PWP1: variants seen among roughly 807,000 people sequenced by gnomAD.
PWP1 encodes periodic tryptophan protein 1 homolog.
A neutral mutation model predicts 69.9 loss-of-function variants in PWP1; 47 were observed. The ratio of observed to expected loss-of-function variants is 0.67; its 90% CI spans 0.53 to 0.86. PWP1 has a LOEUF of 0.86. Among genes scored for constraint, PWP1 ranks in the 40% least tolerant of loss-of-function variants. PWP1 has a pLI of 0.00. For missense variants in PWP1, 551 were observed against 608.8 expected (o/e 0.91, Z 1.00); for synonymous variants, 222 against 208.2 (o/e 1.07, Z -0.57).
At chr12:107,686,532 C>G (rs1889368924) in intron 1 of PWP1, among the ~76,000 whole-genome samples, 1 of 152,202 alleles carries the variant, frequency 6.6e-6, no homozygotes, top group Non-Finnish European at 1.5e-5. Flanking sequence ...AGGTAAATGT[C>G]TAACACATGA....
At chr12:107,700,903 C>CA (rs1555257449) in intron 8 of PWP1, among the ~76,000 whole-genome samples, 2 of 152,004 alleles carry the variant, frequency 1.3e-5, no homozygotes, top group South Asian at 4.2e-4. Context: ...CATTTCCCCC[C>CA]CTTTTTTTAA....
intron 1 of PWP1, among the ~76,000 whole-genome samples, chr12:107,687,753 C>T (rs1332412181): frequency 4.6e-5 from 7 of 151,930 alleles, no homozygotes; most frequent in Non-Finnish European, 7.4e-5. Flanking sequence ...AAATTAAGGC[C>T]GGGCACGGTG....
chr12:107,708,083 T>G (rs1251155597), intron 11 of PWP1, among the ~76,000 whole-genome samples: 2 of 152,218 alleles, frequency 1.3e-5, no homozygotes, highest in African/African-American at 2.4e-5. Flanking sequence ...TGACTTATTT[T>G]TACAATGATC....
chr12:107,700,107 A>G (rs1889676995), intron 8 of PWP1, among the ~76,000 whole-genome samples: 1 of 152,200 alleles, frequency 6.6e-6, no homozygotes, highest in Non-Finnish European at 1.5e-5. Flanking sequence ...ACCTGTCCCC[A>G]TGATTCCATT....
chr12:107,712,174 G>C lies in PWP1; in HGVS notation c.1460G>C (p.Ser487Thr), dbSNP rs146836947. The change falls in exon 15 of 15, where the codon AGT becomes ACT. Residue 487 changes from serine to threonine, a missense_variant. Coordinates refer to ENST00000412830, the MANE Select transcript of PWP1 (RefSeq NM_007062.3). ...VLGSARNSSI[S>T]GPFGSRSSDT... ...GGGAGTGCAAGAAATTCATCTATTA[G>C]TGGCCCTTTTGGCAGCAGGAGCTCA... 4.3e-6 allele frequency: 7 copies of C among 1,613,940 alleles called. No individual in the cohort carries two copies. Among genetic ancestry groups the C allele is most frequent in the Non-Finnish European group, 5.9e-6 (7 of 1,179,954 alleles).
chr12:107,685,920 G>C lies in PWP1; in HGVS notation c.21G>C (p.Val7=). The C allele has an allele frequency of 6.2e-7, 1 of 1,613,960 alleles. No homozygotes were observed. Among genetic ancestry groups the C allele is most frequent in the Non-Finnish European group, 8.5e-7 (1 of 1,179,984 alleles). MNRSRQ[V]TCVAWVRCGV... Reference sequence around the variant, plus strand: ...GGACCATGAACCGCAGCCGCCAGGTGACGTGCGTGGCCTGGGTCCGCTGCG... The same window carrying C: ...GGACCATGAACCGCAGCCGCCAGGTCACGTGCGTGGCCTGGGTCCGCTGCG... The change falls in exon 1 of 15, where the codon GTG becomes GTC. Residue 7 remains valine, a synonymous_variant. Coordinates refer to ENST00000412830, the MANE Select transcript of PWP1 (RefSeq NM_007062.3).
rs1381332722 is a variant in PWP1, at chr12:107,704,815, G to C, written c.1077+68G>C. 4 of 1,265,758 alleles carry C rather than the reference G, an allele frequency of 3.2e-6. No homozygotes were observed. The African/African-American group carries it at 4.4e-5, about 14-fold the overall frequency. 78.4% of individuals were successfully genotyped at this position (1,265,758 alleles called of 1,614,324 possible). A position where few individuals can be genotyped will look rare whatever the true frequency, so the allele number is the denominator to read the frequency against. ...ATGACTTTTTAAATTCCATAGTAGA[G>C]AGAATTATCTGAAAAGCTTTTTCTG... On this transcript the variant is annotated intron_variant, in intron 11 of 14. Transcript: ENST00000412830.
At chr12:107,711,405 C>T (rs1342794900) in intron 14 of PWP1, among the ~76,000 whole-genome samples, 1 of 152,110 alleles carries the variant, frequency 6.6e-6, no homozygotes, top group Non-Finnish European at 1.5e-5. Flanking sequence ...GGGCTTGTTC[C>T]CAGCAATTTA....
At chr12:107,705,210 C>A (rs1408848474) in intron 11 of PWP1, among the ~76,000 whole-genome samples, 5 of 151,984 alleles carry the variant, frequency 3.3e-5, no homozygotes, top group Admixed American at 1.3e-4. Flanking sequence ...CCCTTATTAT[C>A]TAAGGAGGAC....
At chr12:107,703,889 T>A in intron 10 of PWP1, 143 bp downstream of exon 10, 1 of 725,640 alleles carries the variant, frequency 1.4e-6, no homozygotes, top group Non-Finnish European at 2.3e-6. Context: ...TTTTTCCTTT[T>A]AACTCTGGTC....
intron 3 of PWP1, among the ~76,000 whole-genome samples, chr12:107,689,748 A>G (rs889812797): frequency 2.0e-5 from 3 of 152,228 alleles, no homozygotes; most frequent in African/African-American, 7.2e-5. Flanking sequence ...TCCATCTCAA[A>G]AAGAAAAAAT....
At chr12:107,687,258 C>A (rs1245638114) in intron 1 of PWP1, among the ~76,000 whole-genome samples, 1 of 152,168 alleles carries the variant, frequency 6.6e-6, no homozygotes, top group Non-Finnish European at 1.5e-5. Context: ...ATGGTAGGCA[C>A]TCGGTGTTAC....
At chr12:107,706,652 A>G (rs1419610275) in intron 11 of PWP1, among the ~76,000 whole-genome samples, 2 of 152,234 alleles carry the variant, frequency 1.3e-5, no homozygotes, top group African/African-American at 2.4e-5. Flanking sequence ...TTTATTAAAT[A>G]GGGAATCCTT....
At chr12:107,705,348 A>T (rs1889798086) in intron 11 of PWP1, among the ~76,000 whole-genome samples, 1 of 151,630 alleles carries the variant, frequency 6.6e-6, no homozygotes, top group Non-Finnish European at 1.5e-5. Flanking sequence ...GTAAATATGT[A>T]GTGCTTTGCA....
At chr12:107,686,448 G>C (rs899174471) in intron 1 of PWP1, among the ~76,000 whole-genome samples, 2 of 152,192 alleles carry the variant, frequency 1.3e-5, no homozygotes, top group African/African-American at 4.8e-5. Flanking sequence ...CTAAGATGTC[G>C]TGAGGCTGGG....
rs35371581 is a variant in PWP1 at position 107,710,552 on chromosome 12, TAAAAA to T, written c.1396+59_1396+63del. The T allele has an allele frequency of 7.7e-4, 895 of 1,156,428 alleles. 1 individual carries two copies. Among genetic ancestry groups the T allele is most frequent in the East Asian group, 3.3e-3 (96 of 28,714 alleles). The allele number at this position is 1,156,428 out of a possible 1,614,324, so 71.6% of individuals were successfully genotyped here. ...CTCTGCACACCTCCCCCTGCCCCTG[TAAAAA>T]AAAAAAAAAAAAAAAAGACAGGGTC... On this transcript the variant is annotated intron_variant, in intron 14 of 14. Transcript: ENST00000412830.
At chr12:107,710,835 A>G (rs959650311) in intron 14 of PWP1, among the ~76,000 whole-genome samples, 1 of 152,226 alleles carries the variant, frequency 6.6e-6, no homozygotes, top group Non-Finnish European at 1.5e-5. Flanking sequence ...TTTAGGAAAG[A>G]GACAAGATCA....
In PWP1 at chr12:107,712,122, T is replaced by C. The variant is rs781555179; in HGVS notation, c.1408T>C (p.Phe470Leu). 2.5e-6 allele frequency: 4 copies of C among 1,613,618 alleles called. No individual in the cohort carries two copies. Among genetic ancestry groups the C allele is most frequent in the Non-Finnish European group, 3.4e-6 (4 of 1,179,692 alleles). The change falls in exon 15 of 15, where the codon TTT (phenylalanine) becomes CTT (leucine). Residue 470 changes from phenylalanine to leucine, a missense_variant. Coordinates refer to ENST00000412830, the MANE Select transcript of PWP1 (RefSeq NM_007062.3). Reference sequence around the variant, plus strand: ...TATTTGTATTTTAGTAAATGAAGCATTTGGAAGACGAGAGAGGCTTGTTCT... The same window carrying C: ...TATTTGTATTTTAGTAAATGAAGCACTTGGAAGACGAGAGAGGCTTGTTCT... ...ISTVSSVNEAFGRRERLVLGS... is the reference protein window; with the variant it reads ...ISTVSSVNEALGRRERLVLGS...
intron 3 of PWP1, among the ~76,000 whole-genome samples, chr12:107,690,568 A>G (rs1388755081): frequency 6.6e-6 from 1 of 151,908 alleles, no homozygotes; most frequent in African/African-American, 2.4e-5. Flanking sequence ...AATTCAAGCA[A>G]TTTTCCTGCC....
Sources: allele counts gnomAD v4.1 joint callset (sites outside exome capture counted in the v4.1 genomes callset), GRCh38; gene constraint gnomAD v4.1.1; transcripts MANE v1.5; gene names NCBI Gene and HGNC (gene_info 2026-07-23, HGNC 2026-07-21).